The following ETV6 variants were observed in gnomAD, a reference collection of about 807,000 sequenced individuals.
ETV6 encodes the protein transcription factor ETV6.
A neutral mutation model predicts 51.1 loss-of-function variants in ETV6; 16 were observed. The observed-to-expected ratio is 0.31, with a 90% CI of 0.21 to 0.48. ETV6 has a LOEUF of 0.48. ETV6 is among the 20% of genes least tolerant of loss of function. The pLI, the probability that ETV6 is intolerant of heterozygous loss-of-function variation, is 0.99. For missense variants in ETV6, 458 were observed against 594.8 expected (o/e 0.77, Z 2.39); for synonymous variants, 240 against 224.1 (o/e 1.07, Z -0.64).
chr12:11,658,933 G>C (rs1864049817), intron 1 of ETV6, among the ~76,000 whole-genome samples: 1 of 152,204 alleles, frequency 6.6e-6, no homozygotes, highest in Admixed American at 6.5e-5. Context: ...TCAAGTATTT[G>C]AACCTATTCA....
intron 1 of ETV6, among the ~76,000 whole-genome samples, chr12:11,714,282 GCA>G (rs1191405426): frequency 6.6e-6 from 1 of 152,136 alleles, no homozygotes; most frequent in African/African-American, 2.4e-5. Context: ...CATTTTCTGG[GCA>G]CAGATATAAC....
intron 2 of ETV6, among the ~76,000 whole-genome samples, chr12:11,823,123 G>A (rs1946104700): frequency 6.6e-6 from 1 of 152,186 alleles, no homozygotes; most frequent in Non-Finnish European, 1.5e-5. Flanking sequence ...AGGGCCTCTG[G>A]CGTTCACACA....
intron 1 of ETV6, among the ~76,000 whole-genome samples, chr12:11,702,886 G>A (rs1376176216): frequency 6.6e-6 from 1 of 151,740 alleles, no homozygotes; most frequent in Non-Finnish European, 1.5e-5. Context: ...CGGGTAGATC[G>A]CTTGAGCCCA....
intron 1 of ETV6, among the ~76,000 whole-genome samples, chr12:11,677,898 C>T (rs996967337): frequency 2.0e-5 from 3 of 152,360 alleles, no homozygotes; most frequent in East Asian, 1.9e-4. Context: ...GTCACCGGAG[C>T]GCCTCCCAGC....
chr12:11,657,669 G>A (rs959548127), intron 1 of ETV6, among the ~76,000 whole-genome samples: 3 of 152,234 alleles, frequency 2.0e-5, no homozygotes, highest in African/African-American at 4.8e-5. Flanking sequence ...CCCTTTGTAT[G>A]TGGGAGTCAG....
At chr12:11,737,485 C>T (rs1865726268) in intron 1 of ETV6, among the ~76,000 whole-genome samples, 1 of 152,136 alleles carries the variant, frequency 6.6e-6, no homozygotes, top group South Asian at 2.1e-4. Context: ...CAGTATTTGC[C>T]CTGTCATGTA....
At chr12:11,868,314 T>C (rs1946821539) in intron 4 of ETV6, among the ~76,000 whole-genome samples, 1 of 152,208 alleles carries the variant, frequency 6.6e-6, no homozygotes, top group Non-Finnish European at 1.5e-5. Context: ...TGTGTGACCT[T>C]GGGTAAGTTA....
intron 3 of ETV6, among the ~76,000 whole-genome samples, chr12:11,850,330 C>G (rs889528405): frequency 3.3e-5 from 5 of 152,212 alleles, no homozygotes; most frequent in Non-Finnish European, 5.9e-5. Flanking sequence ...GTCAGACCCC[C>G]AGAGGCTTAG....
rs749555964 is a variant in ETV6 at position 11,853,483 on chromosome 12, C to T, written c.385C>T (p.Leu129Phe). 2 of 1,614,196 alleles carry T rather than the reference C, an allele frequency of 1.2e-6. No individual in the cohort carries two copies. Among genetic ancestry groups the T allele is most frequent in the South Asian group, 2.2e-5 (2 of 91,082 alleles). ...HILKQRKPRI[L>F]FSPFFHPGNS... Reference sequence around the variant, plus strand: ...TCTGAAGCAGAGGAAACCTCGGATTCTTTTTTCACCATTCTTCCACCCTGG... The same window carrying T: ...TCTGAAGCAGAGGAAACCTCGGATTTTTTTTTCACCATTCTTCCACCCTGG... Residue 129 changes from leucine (L) to phenylalanine (F), a missense_variant, in exon 4 of 8, where the codon CTT becomes TTT. Transcript: ENST00000396373.
chr12:11,752,421 T>TC (rs759323538), intron 1 of ETV6, 29 bp from the exon 2 acceptor site: 1 of 1,595,234 alleles, frequency 6.3e-7, no homozygotes, highest in Non-Finnish European at 8.6e-7. Context: ...TCTCTCCCCC[T>TC]CCCCTCTTCC....
chr12:11,877,811 T>C (rs1947014419), intron 5 of ETV6, among the ~76,000 whole-genome samples: 1 of 152,210 alleles, frequency 6.6e-6, no homozygotes. Context: ...ATATTGAGAA[T>C]AGTAATACCC....
chr12:11,839,409 A>G, intron 3 of ETV6, 105 bp downstream of exon 3: 1 of 1,159,020 alleles, frequency 8.6e-7, no homozygotes, highest in Non-Finnish European at 1.2e-6. Context: ...ACAGTGAGTC[A>G]TCACAAGGAA....
At chr12:11,754,637 T>G in intron 2 of ETV6, among the ~76,000 whole-genome samples, 1 of 152,248 alleles carries the variant, frequency 6.6e-6, no homozygotes, top group East Asian at 1.9e-4. Context: ...CCTTCCTAAC[T>G]TTAAAGTACT....
chr12:11,772,143 G>A (rs1192997695), intron 2 of ETV6, among the ~76,000 whole-genome samples: 2 of 152,232 alleles, frequency 1.3e-5, no homozygotes, highest in Non-Finnish European at 2.9e-5. Flanking sequence ...AGTAGAAGGT[G>A]TGATTCATCT....
intron 2 of ETV6, among the ~76,000 whole-genome samples, chr12:11,801,199 T>C (rs1945744273): frequency 6.6e-6 from 1 of 152,166 alleles, no homozygotes; most frequent in South Asian, 2.1e-4. Context: ...GGGAACAAAA[T>C]AGACCTCTCA....
chr12:11,786,336 GT>G (rs35075041), intron 2 of ETV6, among the ~76,000 whole-genome samples: 27,689 of 149,466 alleles, frequency 0.19, 2,944 homozygotes, highest in South Asian at 0.46. Flanking sequence ...AACTTAATTT[GT>G]TTTTTTTTTC....
chr12:11,800,792 G>A (rs757950794), intron 2 of ETV6, among the ~76,000 whole-genome samples: 3 of 152,092 alleles, frequency 2.0e-5, no homozygotes, highest in Admixed American at 1.3e-4. Flanking sequence ...AAAAGTAGCC[G>A]GGCATGGTGG....
chr12:11,894,668 C>T lies in ETV6; in HGVS notation c.*3622C>T. On this transcript the variant is annotated 3_prime_UTR_variant, in exon 8 of 8. Transcript: ENST00000396373. ...TTTACCGAAATGATGAAGTAACCAC[C>T]ATTCCCACCTTTCACTGCCTAGGCT... is the stretch of plus-strand genomic sequence containing the variant. The T allele has an allele frequency of 8.6e-6, 2 of 233,252 alleles. No individual in the cohort carries two copies. Among genetic ancestry groups the T allele is most frequent in the Non-Finnish European group, 8.5e-6 (1 of 118,022 alleles). The allele number at this position is 233,252 out of a possible 1,614,324, so 14.4% of individuals were successfully genotyped here. A position where few individuals can be genotyped will look rare whatever the true frequency, so the allele number is the denominator to read the frequency against.
intron 1 of ETV6, among the ~76,000 whole-genome samples, chr12:11,708,979 A>G (rs1017850995): frequency 6.6e-6 from 1 of 152,226 alleles, no homozygotes; most frequent in Non-Finnish European, 1.5e-5. Flanking sequence ...ATGGAGAGAC[A>G]GTTGATCAGA....
Sources: gnomAD v4.1 joint callset for allele counts (sites outside exome capture counted in the v4.1 genomes callset) on GRCh38, gnomAD v4.1.1 for gene constraint, MANE v1.5 for transcripts, NCBI Gene and HGNC (gene_info 2026-07-23, HGNC 2026-07-21) for gene names.